The following GAB4 variants were observed in gnomAD, a reference collection of about 807,000 sequenced individuals.
The protein encoded by GAB4 is GRB2-associated-binding protein 4.
A neutral mutation model predicts 51.3 loss-of-function variants in GAB4; 26 were observed. The ratio of observed to expected loss-of-function variants is 0.51; its 90% CI spans 0.37 to 0.70. GAB4 has a LOEUF of 0.70. GAB4 is among the 30% of genes least tolerant of loss of function. The pLI, the probability that GAB4 is intolerant of heterozygous loss-of-function variation, is 0.00. For synonymous variants in GAB4, 329 were observed against 291.2 expected (o/e 1.13, Z -1.32); for missense variants, 759 against 734.6 (o/e 1.03, Z -0.38).
chr22:17,001,993 T>C (rs1447225836), intron 1 of GAB4, among the ~76,000 whole-genome samples: 7 of 152,198 alleles, frequency 4.6e-5, no homozygotes, highest in African/African-American at 1.4e-4. Flanking sequence ...TGGTGTGCTG[T>C]TTGTTAGGGC....
At chr22:16,986,086 T>C (rs1436182576) in intron 3 of GAB4, among the ~76,000 whole-genome samples, 2 of 152,236 alleles carry the variant, frequency 1.3e-5, no homozygotes, top group African/African-American at 4.8e-5. Context: ...TCACTGCTCA[T>C]GCAGGCAGAC....
chr22:16,974,914 G>A (rs2060764334), intron 3 of GAB4, among the ~76,000 whole-genome samples: 1 of 152,178 alleles, frequency 6.6e-6, no homozygotes, highest in Admixed American at 6.5e-5. Context: ...AAAGTGTTGG[G>A]GAACTCCCTC....
chr22:16,987,332 TGTGAGAGCCAGTG>T (rs1395726561), intron 3 of GAB4, among the ~76,000 whole-genome samples: 1 of 152,158 alleles, frequency 6.6e-6, no homozygotes, highest in Non-Finnish European at 1.5e-5. Flanking sequence ...CCTGCCCCTG[TGTGAGAGCCAGTG>T]GTGTCAGAGA....
At chr22:16,985,463 T>C (rs1025433045) in intron 3 of GAB4, among the ~76,000 whole-genome samples, 11 of 152,260 alleles carry the variant, frequency 7.2e-5, no homozygotes, top group African/African-American at 2.7e-4. Flanking sequence ...AGAGTTTTGA[T>C]TGTTCTTCAG....
At chr22:17,005,164 A>C (rs2061030261) in intron 1 of GAB4, among the ~76,000 whole-genome samples, 1 of 152,244 alleles carries the variant, frequency 6.6e-6, no homozygotes, top group South Asian at 2.1e-4. Context: ...CTCAGGATAC[A>C]AAATCCATGT....
chr22:17,001,408 C>T (rs1409747762), intron 1 of GAB4, among the ~76,000 whole-genome samples: 1 of 152,126 alleles, frequency 6.6e-6, no homozygotes, highest in Non-Finnish European at 1.5e-5. Context: ...ATCACTGATG[C>T]CTTCTTCCTC....
intron 3 of GAB4, among the ~76,000 whole-genome samples, chr22:16,987,330 T>C (rs1331947930): frequency 6.6e-6 from 1 of 152,186 alleles, no homozygotes; most frequent in Non-Finnish European, 1.5e-5. Flanking sequence ...GCCCTGCCCC[T>C]GTGTGAGAGC....
intron 1 of GAB4, among the ~76,000 whole-genome samples, chr22:17,006,581 C>T (rs1199680362): frequency 6.6e-6 from 1 of 152,140 alleles, no homozygotes; most frequent in Non-Finnish European, 1.5e-5. Context: ...GCACTATTCA[C>T]GACAGCAAAG....
intron 3 of GAB4, among the ~76,000 whole-genome samples, chr22:16,980,414 C>G (rs1329887881): frequency 6.6e-6 from 1 of 152,214 alleles, no homozygotes; most frequent in Admixed American, 6.5e-5. Flanking sequence ...AAAAGCTCAT[C>G]ATCACTGGTC....
At chr22:16,968,439 T>C (rs1168549382) in intron 4 of GAB4, 56 bp from the exon 5 acceptor site, 3 of 1,229,402 alleles carry the variant, frequency 2.4e-6, no homozygotes, top group African/African-American at 3.0e-5. Flanking sequence ...TGTTGATGCC[T>C]CCCACGCCCT....
chr22:16,997,834 G>A (rs1474127975), intron 1 of GAB4, among the ~76,000 whole-genome samples: 4 of 152,128 alleles, frequency 2.6e-5, no homozygotes, highest in Non-Finnish European at 1.5e-5. Flanking sequence ...AAGGTACAAG[G>A]AAGGGATCCA....
At chr22:16,982,549 T>C (rs962281178) in intron 3 of GAB4, among the ~76,000 whole-genome samples, 16 of 152,166 alleles carry the variant, frequency 1.1e-4, no homozygotes, top group African/African-American at 2.9e-4. Flanking sequence ...CACATGATCA[T>C]GATTGCAAAA....
intron 5 of GAB4, 50 bp downstream of exon 5, chr22:16,968,248 C>T (rs1226510249): frequency 5.5e-6 from 7 of 1,274,904 alleles, no homozygotes; most frequent in Middle Eastern, 1.8e-4. Context: ...TGGAGTGTGA[C>T]CTTTACCTCC....
intron 1 of GAB4, among the ~76,000 whole-genome samples, chr22:16,996,781 A>T (rs1352828473): frequency 1.3e-5 from 2 of 150,954 alleles, no homozygotes; most frequent in African/African-American, 4.9e-5. Context: ...CATTTACATT[A>T]TGTGTATCTC....
chr22:16,996,458 C>A, intron 1 of GAB4, among the ~76,000 whole-genome samples: 1 of 151,932 alleles, frequency 6.6e-6, no homozygotes, highest in Non-Finnish European at 1.5e-5. Context: ...ATACAAAGAC[C>A]ACCACCATGA....
At chr22:17,001,047 C>T (rs574993227) in intron 1 of GAB4, among the ~76,000 whole-genome samples, 2 of 152,284 alleles carry the variant, frequency 1.3e-5, no homozygotes, top group South Asian at 4.1e-4. Flanking sequence ...GGTAATCTGA[C>T]CTTTCTCTCT....
Position 16,970,089 on chromosome 22 carries a change from C to A in GAB4, c.791G>T (p.Ser264Ile). Residue 264 changes from serine to isoleucine, a missense_variant, in exon 4 of 10, where the codon AGC becomes ATC. Ser to Ile is a moderately radical substitution (Grantham distance 142). Coordinates refer to ENST00000400588, the MANE Select transcript of GAB4 (RefSeq NM_001037814.1). Reference sequence around the variant, plus strand: ...GCTATGGAAGCCATGGATGTGACCGCTGACCCCATCAACACTGTATCCACT... The same window carrying A: ...GCTATGGAAGCCATGGATGTGACCGATGACCCCATCAACACTGTATCCACT... ...QHSGYSVDGV[S>I]GHIHGFHSLS... 6.2e-7 allele frequency: 1 copy of A among 1,614,184 alleles called. No individual in the cohort carries two copies. Among genetic ancestry groups the A allele is most frequent in the Non-Finnish European group, 8.5e-7 (1 of 1,180,036 alleles).
intron 3 of GAB4, among the ~76,000 whole-genome samples, chr22:16,975,352 G>C (rs1416387486): frequency 6.6e-6 from 1 of 152,188 alleles, no homozygotes; most frequent in Non-Finnish European, 1.5e-5. Flanking sequence ...ACTGAGGCAT[G>C]AATAGGCGGT....
intron 1 of GAB4, among the ~76,000 whole-genome samples, chr22:17,000,465 C>CT (rs559397184): frequency 0.089 from 13,457 of 151,338 alleles, 732 homozygotes; most frequent in Admixed American, 0.16. Flanking sequence ...GCAACCCCTG[C>CT]TTTTTTTTTG....
Sources: allele counts gnomAD v4.1 joint callset (sites outside exome capture counted in the v4.1 genomes callset), GRCh38; gene constraint gnomAD v4.1.1; transcripts MANE v1.5; gene names NCBI Gene and HGNC (gene_info 2026-07-23, HGNC 2026-07-21).